KLHL2: variants seen among roughly 807,000 people sequenced by gnomAD.
KLHL2 encodes kelch-like protein 2.
KLHL2 carries 15 observed loss-of-function variants against 75.8 expected under a neutral mutation model. The ratio of observed to expected loss-of-function variants is 0.20; its 90% CI spans 0.13 to 0.30. The LOEUF (loss-of-function observed/expected upper bound fraction) is 0.30. Among genes scored for constraint, KLHL2 ranks in the 10% least tolerant of loss-of-function variants. The pLI is 1.00. For synonymous variants in KLHL2, 214 were observed against 251.9 expected (o/e 0.85, Z 1.42); for missense variants, 381 against 741.0 (o/e 0.51, Z 5.64).
intron 5 of KLHL2, among the ~76,000 whole-genome samples, chr4:165,290,652 A>G (rs753827962): frequency 1.1e-4 from 16 of 152,204 alleles, no homozygotes; most frequent in African/African-American, 1.9e-4. Context: ...TACTTTTGCA[A>G]TTAATCATGA....
At chr4:165,251,455 T>G (rs1740690642) in intron 4 of KLHL2, among the ~76,000 whole-genome samples, 2 of 152,150 alleles carry the variant, frequency 1.3e-5, no homozygotes, top group South Asian at 4.1e-4. Context: ...GTTAAATTAT[T>G]TTTATTCAAT....
intron 1 of KLHL2, among the ~76,000 whole-genome samples, chr4:165,212,834 C>T (rs565419413): frequency 8.2e-4 from 125 of 152,306 alleles, no homozygotes; most frequent in African/African-American, 2.7e-3. Context: ...TATTTCCTCA[C>T]GGAAGTAGGC....
Position 165,207,874 on chromosome 4 carries a change from AC to A in KLHL2, c.-2del. 1 of 1,447,544 alleles carries A rather than the reference AC, an allele frequency of 6.9e-7. No individual in the cohort carries two copies. The highest frequency in any genetic ancestry group is 9.1e-7 in the Non-Finnish European group (1 of 1,093,388). 89.7% of individuals were successfully genotyped at this position (1,447,544 alleles called of 1,614,324 possible). A position where few individuals can be genotyped will look rare whatever the true frequency, so the allele number is the denominator to read the frequency against. On this transcript the variant is annotated 5_prime_UTR_variant, in exon 1 of 15. Transcript: ENST00000226725. This position sits in a 1 kb window ranked among gnomAD's most constrained non-coding sequence, Gnocchi z 4.2. Reference sequence around the variant, plus strand: ...TGCGTTCTGAAGCCCGAGAGGAGCCACAATGGAGACGCCGCCGCTGCCTCCC... The same window carrying A: ...TGCGTTCTGAAGCCCGAGAGGAGCCAAATGGAGACGCCGCCGCTGCCTCCC...
At chr4:165,272,417 C>A (rs1742768431) in intron 5 of KLHL2, among the ~76,000 whole-genome samples, 1 of 152,150 alleles carries the variant, frequency 6.6e-6, no homozygotes, top group South Asian at 2.1e-4. Context: ...ATTCCATTAA[C>A]TGCTAGACTT....
At position 165,253,402 on chromosome 4, in the gene KLHL2, TAATC is replaced by T. The variant is rs527829943; in HGVS notation, c.382-9793_382-9790del. Among the ~76,000 whole-genome samples, 13 of 152,302 alleles carry T rather than the reference TAATC, an allele frequency of 8.5e-5. No homozygotes were observed. The South Asian group carries it at 2.7e-3, about 32-fold the overall frequency. On this transcript the variant is annotated intron_variant, in intron 4 of 14. Coordinates refer to ENST00000226725, the MANE Select transcript of KLHL2 (RefSeq NM_007246.4). ...TAATACAATGTAAATGCTGTGCAAA[TAATC>T]ATTAATATGGTATGGTTTAGGGCAT...
At chr4:165,262,909 C>CT (rs1741814623) in intron 4 of KLHL2, among the ~76,000 whole-genome samples, 1 of 152,084 alleles carries the variant, frequency 6.6e-6, no homozygotes, top group Non-Finnish European at 1.5e-5. Flanking sequence ...GTCAAAATAA[C>CT]ATTTTGTTTA....
chr4:165,309,493 C>G (rs1745988692), intron 9 of KLHL2, among the ~76,000 whole-genome samples: 1 of 152,206 alleles, frequency 6.6e-6, no homozygotes. Flanking sequence ...GATCAGCAGA[C>G]TTTCTCTTGA....
At chr4:165,264,404 A>G (rs1341148880) in intron 5 of KLHL2, among the ~76,000 whole-genome samples, 1 of 151,512 alleles carries the variant, frequency 6.6e-6, no homozygotes, top group Non-Finnish European at 1.5e-5. Context: ...TCCCATGTCC[A>G]TTATACCACT....
chr4:165,286,845 A>G (rs1415889697), intron 5 of KLHL2, among the ~76,000 whole-genome samples: 1 of 152,162 alleles, frequency 6.6e-6, no homozygotes, highest in Non-Finnish European at 1.5e-5. Context: ...TGAAGTCAAG[A>G]CAGTGACATG....
intron 3 of KLHL2, among the ~76,000 whole-genome samples, chr4:165,233,130 C>G (rs1442982598): frequency 1.3e-5 from 2 of 151,934 alleles, no homozygotes; most frequent in African/African-American, 4.8e-5. Context: ...AATTATGTCA[C>G]CTAAGAAATA....
chr4:165,221,112 A>G (rs1451029359), intron 2 of KLHL2, among the ~76,000 whole-genome samples: 2 of 152,188 alleles, frequency 1.3e-5, no homozygotes, highest in African/African-American at 4.8e-5. Context: ...TCTTTAATTA[A>G]ATTAGGGATT....
At chr4:165,285,188 C>G (rs1054190303) in intron 5 of KLHL2, among the ~76,000 whole-genome samples, 1 of 152,040 alleles carries the variant, frequency 6.6e-6, no homozygotes, top group African/African-American at 2.4e-5. Flanking sequence ...TTTGAGGTTA[C>G]GAATACATAT....
intron 4 of KLHL2, among the ~76,000 whole-genome samples, chr4:165,250,200 A>T (rs560326130): frequency 2.0e-5 from 3 of 152,256 alleles, no homozygotes; most frequent in African/African-American, 7.2e-5. Flanking sequence ...TGTTACAGTC[A>T]TATTCCAGAT....
At chr4:165,249,724 A>C (rs747001053) in intron 4 of KLHL2, among the ~76,000 whole-genome samples, 50 of 152,212 alleles carry the variant, frequency 3.3e-4, no homozygotes, top group Non-Finnish European at 6.3e-4. Flanking sequence ...TGGTTCATTG[A>C]CACAGAGATT....
intron 2 of KLHL2, among the ~76,000 whole-genome samples, chr4:165,222,459 G>A (rs1234268454): frequency 2.6e-5 from 4 of 152,052 alleles, no homozygotes; most frequent in African/African-American, 9.7e-5. Context: ...TCAGCAGCTG[G>A]GTCTGGTATG....
chr4:165,209,925 C>T (rs1737086702), intron 1 of KLHL2: 1 of 1,190,530 alleles, frequency 8.4e-7, no homozygotes, highest in African/African-American at 1.5e-5. Context: ...GCCTGTTTGC[C>T]TCCACTCCCA....
chr4:165,238,664 T>C, intron 3 of KLHL2, 114 bp from the exon 4 acceptor site: 1 of 1,546,486 alleles, frequency 6.5e-7, no homozygotes, highest in East Asian at 2.4e-5. Context: ...AGTGGCTGAT[T>C]ATGCTGCCTG....
At chr4:165,208,306 C>G (rs1736974539) in intron 1 of KLHL2, 1 of 156,512 alleles carries the variant, frequency 6.4e-6, no homozygotes, top group Admixed American at 6.5e-5. Context: ...TGGAAAGTAC[C>G]AGTCACCCGC....
intron 4 of KLHL2, among the ~76,000 whole-genome samples, chr4:165,243,670 A>G (rs1467282532): frequency 6.6e-6 from 1 of 152,254 alleles, no homozygotes; most frequent in Non-Finnish European, 1.5e-5. Context: ...AATTCAACAT[A>G]GTGTGTCCAT....
Sources: gnomAD v4.1 joint callset for allele counts (sites outside exome capture counted in the v4.1 genomes callset) on GRCh38, gnomAD v4.1.1 for gene constraint, Gnocchi (gnomAD v3.1) non-coding constraint, MANE v1.5 for transcripts, NCBI Gene and HGNC (gene_info 2026-07-23, HGNC 2026-07-21) for gene names.